PTPRQ: variants seen among roughly 807,000 people sequenced by gnomAD.
PTPRQ encodes the protein phosphatidylinositol phosphatase PTPRQ.
In PTPRQ, 199 loss-of-function variants were observed where a neutral mutation model predicts 246.0. The ratio of observed to expected loss-of-function variants is 0.81; its 90% confidence interval spans 0.72 to 0.91. PTPRQ has a LOEUF of 0.91. Ranked by LOEUF, PTPRQ falls within the 40% of genes least tolerant of loss-of-function variation. The pLI, the probability that PTPRQ is intolerant of heterozygous loss-of-function variation, is 0.00. For synonymous variants in PTPRQ, 869 were observed against 853.2 expected, an observed-to-expected ratio of 1.02 and a Z score of -0.32; for missense variants, 2,624 against 2,528.4, an observed-to-expected ratio of 1.04 and a Z score of -0.81.
At chr12:80,675,619 C>A (rs1243865505) in intron 43 of PTPRQ, among the ~76,000 whole-genome samples, 1 of 152,146 alleles carries the variant, frequency 6.6e-6, no homozygotes, top group Non-Finnish European at 1.5e-5. Context: ...GCTGAAAAAA[C>A]TTCCATGCTC....
At chr12:80,572,696 T>A (rs1214409032) in intron 25 of PTPRQ, among the ~76,000 whole-genome samples, 1 of 152,182 alleles carries the variant, frequency 6.6e-6, no homozygotes, top group Non-Finnish European at 1.5e-5. Context: ...TCATTTATAG[T>A]TTGCTATGAG....
intron 25 of PTPRQ, among the ~76,000 whole-genome samples, chr12:80,552,436 G>A (rs1277151016): frequency 1.3e-5 from 2 of 151,642 alleles, no homozygotes; most frequent in African/African-American, 4.8e-5. Context: ...TCAGGAACAA[G>A]GCAGGAGATA....
chr12:80,536,228 T>C (rs899822417), intron 19 of PTPRQ, among the ~76,000 whole-genome samples: 10 of 152,340 alleles, frequency 6.6e-5, no homozygotes, highest in Admixed American at 6.5e-5. Flanking sequence ...TTTCTATCCT[T>C]TTAAGTAAAA....
At chr12:80,673,449 G>C (rs1282455071) in intron 43 of PTPRQ, 145 bp downstream of exon 43, 3 of 1,280,742 alleles carry the variant, frequency 2.3e-6, no homozygotes, top group Non-Finnish European at 3.1e-6. Flanking sequence ...GAGGATTCGG[G>C]AGGGCAGCTG....
intron 25 of PTPRQ, among the ~76,000 whole-genome samples, chr12:80,552,949 G>GAAT (rs1375288091): frequency 6.6e-6 from 1 of 151,758 alleles, no homozygotes; most frequent in Non-Finnish European, 1.5e-5. Context: ...CAAGACATGT[G>GAAT]AATAATACAA....
chr12:80,610,167 C>A (rs1898495536), intron 27 of PTPRQ, among the ~76,000 whole-genome samples: 1 of 150,510 alleles, frequency 6.6e-6, no homozygotes, highest in South Asian at 2.1e-4. Context: ...GTTTCATTGA[C>A]TGCAAAGATG....
intron 33 of PTPRQ, among the ~76,000 whole-genome samples, chr12:80,631,476 C>G (rs530680398): frequency 6.6e-6 from 1 of 152,146 alleles, no homozygotes; most frequent in Non-Finnish European, 1.5e-5. Flanking sequence ...ATTCTTCCCT[C>G]TTTGGCCAGT....
At chr12:80,678,829 T>G in intron 44 of PTPRQ, 104 bp downstream of exon 44, 1 of 1,450,078 alleles carries the variant, frequency 6.9e-7, no homozygotes, top group Non-Finnish European at 9.1e-7. Context: ...AGAAGCTGGA[T>G]TAGTGCACAG....
At chr12:80,579,771 T>C (rs1565798540) in intron 25 of PTPRQ, among the ~76,000 whole-genome samples, 1 of 152,328 alleles carries the variant, frequency 6.6e-6, no homozygotes, top group East Asian at 1.9e-4. Context: ...TTTGTGTATG[T>C]TTAAATTATC....
At chr12:80,612,272 C>T (rs1440573606) in intron 28 of PTPRQ, among the ~76,000 whole-genome samples, 1 of 149,898 alleles carries the variant, frequency 6.7e-6, no homozygotes, top group Middle Eastern at 3.2e-3. Flanking sequence ...CTAAAATAAA[C>T]TAAAATATTT....
At chr12:80,650,340 T>G (rs1347732947) in intron 37 of PTPRQ, among the ~76,000 whole-genome samples, 1 of 151,860 alleles carries the variant, frequency 6.6e-6, no homozygotes. Flanking sequence ...ATTTTGTATA[T>G]CTATAAAATT....
chr12:80,550,657 G>A (rs866494677), intron 25 of PTPRQ, among the ~76,000 whole-genome samples: 6 of 151,968 alleles, frequency 3.9e-5, no homozygotes, highest in South Asian at 2.1e-4. Context: ...CTCTGAGAAG[G>A]CCCCATTATT....
intron 33 of PTPRQ, among the ~76,000 whole-genome samples, chr12:80,626,031 C>T (rs946423530): frequency 1.3e-5 from 2 of 152,152 alleles, no homozygotes; most frequent in Admixed American, 1.3e-4. Flanking sequence ...AACCCCATGG[C>T]AAAGGCACTC....
chr12:80,561,884 T>G (rs562683280), intron 25 of PTPRQ, among the ~76,000 whole-genome samples: 5 of 152,144 alleles, frequency 3.3e-5, no homozygotes, highest in Non-Finnish European at 5.9e-5. Context: ...AGCATTCAAT[T>G]CTTTTACCAT....
At chr12:80,498,046 T>G (rs1832886682) in intron 14 of PTPRQ, among the ~76,000 whole-genome samples, 1 of 152,014 alleles carries the variant, frequency 6.6e-6, no homozygotes, top group Non-Finnish European at 1.5e-5. Context: ...TAGTTGAAAG[T>G]GCAGGAATAA....
chr12:80,463,276 G>C (rs1196072318), intron 6 of PTPRQ, among the ~76,000 whole-genome samples: 1 of 152,190 alleles, frequency 6.6e-6, no homozygotes, highest in Non-Finnish European at 1.5e-5. Context: ...AGCGATGGAA[G>C]ATGAAATGAA....
intron 29 of PTPRQ, among the ~76,000 whole-genome samples, chr12:80,615,693 T>G (rs1898727969): frequency 6.6e-6 from 1 of 151,008 alleles, no homozygotes; most frequent in East Asian, 1.9e-4. Context: ...ACTGGGAGGC[T>G]GAAGGAATAG....
In PTPRQ at chr12:80,496,297, G is replaced by A. The variant is rs1233748152; in HGVS notation, c.2038G>A (p.Asp680Asn). 1.3e-6 allele frequency: 2 copies of A among 1,550,700 alleles called. No homozygotes were observed. Residue 680 changes from aspartate to asparagine, a missense_variant, in exon 14 of 45, where the codon GAT (aspartate) becomes AAT (asparagine). By Grantham distance (23) the Asp-to-Asn change is conservative. Transcript: ENST00000644991. ...TGTCGAAGTAATTGATGTTACCGCA[G>A]ATGAAATAAGGTTGAAGTGGTCACC... is the stretch of plus-strand genomic sequence containing the variant. Reference protein sequence around the residue: ...QDVEVIDVTADEIRLKWSPPE... With the variant: ...QDVEVIDVTANEIRLKWSPPE...
chr12:80,481,126 T>C (rs1328888689), intron 8 of PTPRQ, among the ~76,000 whole-genome samples: 1 of 152,176 alleles, frequency 6.6e-6, no homozygotes, highest in East Asian at 1.9e-4. Flanking sequence ...AAATCCTCAG[T>C]AAAATACTGG....
Sources: gnomAD v4.1 joint callset for allele counts (sites outside exome capture counted in the v4.1 genomes callset) on GRCh38, gnomAD v4.1.1 for gene constraint, MANE v1.5 for transcripts, NCBI Gene and HGNC (gene_info 2026-07-23, HGNC 2026-07-21) for gene names.